The following UVRAG variants were observed in gnomAD, a reference collection of about 807,000 sequenced individuals.
UVRAG encodes UV radiation resistance-associated gene protein.
Under a neutral mutation model 78.0 loss-of-function variants are expected in UVRAG, and 19 were observed. The observed-to-expected ratio is 0.24, with a 90% CI of 0.17 to 0.36. The LOEUF is 0.36. UVRAG is among the 10% of genes least tolerant of loss of function. UVRAG has a pLI of 1.00. For missense variants in UVRAG, 740 were observed against 853.8 expected (o/e 0.87, Z 1.66); for synonymous variants, 323 against 324.6 (o/e 1.00, Z 0.05).
At chr11:76,120,173 G>A (rs537170357) in intron 14 of UVRAG, among the ~76,000 whole-genome samples, 3 of 152,274 alleles carry the variant, frequency 2.0e-5, no homozygotes, top group South Asian at 4.1e-4. Flanking sequence ...CACCTTGGCT[G>A]GAATGCAAAT....
chr11:76,048,968 C>T (rs1479759367), intron 12 of UVRAG, among the ~76,000 whole-genome samples: 2 of 152,224 alleles, frequency 1.3e-5, no homozygotes, highest in Non-Finnish European at 2.9e-5. Context: ...GTAAACAGCC[C>T]ACATGACTCA....
At chr11:75,938,045 C>T (rs1471262732) in intron 6 of UVRAG, among the ~76,000 whole-genome samples, 3 of 151,660 alleles carry the variant, frequency 2.0e-5, no homozygotes, top group Non-Finnish European at 4.4e-5. Flanking sequence ...TTCATCCATC[C>T]TTTAAAAATA....
intron 13 of UVRAG, among the ~76,000 whole-genome samples, chr11:76,087,159 T>C (rs559944802): frequency 5.0e-4 from 76 of 152,316 alleles, no homozygotes; most frequent in Middle Eastern, 3.4e-3. Flanking sequence ...TGTTTCTACA[T>C]GCGCACACAC....
At chr11:75,921,908 T>G (rs956934561) in intron 6 of UVRAG, among the ~76,000 whole-genome samples, 7 of 152,156 alleles carry the variant, frequency 4.6e-5, no homozygotes, top group African/African-American at 1.2e-4. Context: ...CTTATCCTTT[T>G]GTGTATTTTG....
chr11:76,064,537 G>A (rs1951152513), intron 12 of UVRAG, among the ~76,000 whole-genome samples: 1 of 152,084 alleles, frequency 6.6e-6, no homozygotes, highest in Non-Finnish European at 1.5e-5. Context: ...CTTCTTGATG[G>A]GTGTGTGAAG....
chr11:75,978,891 C>G (rs1279072244), intron 7 of UVRAG, among the ~76,000 whole-genome samples: 2 of 152,230 alleles, frequency 1.3e-5, no homozygotes, highest in Non-Finnish European at 2.9e-5. Flanking sequence ...AAGTCTTTCT[C>G]CGTCTAGCTT....
At chr11:75,959,692 C>T (rs1233242240) in intron 6 of UVRAG, among the ~76,000 whole-genome samples, 1 of 152,212 alleles carries the variant, frequency 6.6e-6, no homozygotes, top group Non-Finnish European at 1.5e-5. Flanking sequence ...TTTTCCTTTG[C>T]ATTCACAACT....
At chr11:75,868,994 A>G (rs768647434) in intron 3 of UVRAG, among the ~76,000 whole-genome samples, 1 of 152,220 alleles carries the variant, frequency 6.6e-6, no homozygotes, top group Non-Finnish European at 1.5e-5. Flanking sequence ...TTGAAGTAGC[A>G]TGTTGGACAT....
At chr11:75,859,566 G>C (rs116516559) in intron 2 of UVRAG, among the ~76,000 whole-genome samples, 4 of 151,668 alleles carry the variant, frequency 2.6e-5, no homozygotes, top group Non-Finnish European at 1.5e-5. Flanking sequence ...TTTCAGCCTC[G>C]TAACAACCCT....
chr11:76,038,944 G>C (rs886284723), intron 12 of UVRAG, among the ~76,000 whole-genome samples: 1 of 152,198 alleles, frequency 6.6e-6, no homozygotes, highest in Non-Finnish European at 1.5e-5. Flanking sequence ...CACATGAGAA[G>C]CCTGGCCAAC....
intron 13 of UVRAG, among the ~76,000 whole-genome samples, chr11:76,094,327 G>A (rs1243278584): frequency 6.6e-6 from 1 of 151,946 alleles, no homozygotes; most frequent in Non-Finnish European, 1.5e-5. Context: ...CTCTTTTTTT[G>A]TTGACTCTCT....
chr11:75,821,659 CCTT>C (rs1386487341), intron 1 of UVRAG, among the ~76,000 whole-genome samples: 1 of 152,104 alleles, frequency 6.6e-6, no homozygotes, highest in Admixed American at 6.5e-5. Flanking sequence ...TACCTGATGT[CCTT>C]CTTCCGTGCC....
intron 7 of UVRAG, among the ~76,000 whole-genome samples, chr11:75,976,297 A>G (rs758556921): frequency 1.5e-4 from 23 of 152,350 alleles, no homozygotes; most frequent in Admixed American, 3.9e-4. Flanking sequence ...TTTTACATCA[A>G]TGTTCATCAG....
intron 1 of UVRAG, among the ~76,000 whole-genome samples, chr11:75,832,249 G>A (rs1945674606): frequency 6.6e-6 from 1 of 152,126 alleles, no homozygotes; most frequent in South Asian, 2.1e-4. Flanking sequence ...TTTACCCGGA[G>A]TTATGACCTA....
At chr11:75,857,914 T>G (rs1251080799) in intron 2 of UVRAG, among the ~76,000 whole-genome samples, 1 of 152,108 alleles carries the variant, frequency 6.6e-6, no homozygotes, top group Non-Finnish European at 1.5e-5. Flanking sequence ...CTCCTCTGTC[T>G]TCTGTGCTTT....
At chr11:76,008,064 C>T (rs557204925) in intron 10 of UVRAG, among the ~76,000 whole-genome samples, 139 of 152,128 alleles carry the variant, frequency 9.1e-4, no homozygotes, top group African/African-American at 3.1e-3. Flanking sequence ...CCCGCCACCA[C>T]GATGCCTGGC....
chr11:76,081,139 C>T (rs192189485), intron 13 of UVRAG, among the ~76,000 whole-genome samples: 64 of 152,268 alleles, frequency 4.2e-4, no homozygotes, highest in Admixed American at 2.6e-3. Context: ...GTTCTAGCTT[C>T]AGAGTTGCTT....
intron 13 of UVRAG, among the ~76,000 whole-genome samples, chr11:76,102,052 T>G (rs1413093648): frequency 6.6e-6 from 1 of 152,222 alleles, no homozygotes; most frequent in Non-Finnish European, 1.5e-5. Context: ...AGGATTGCCT[T>G]GGCTATTCAG....
intron 9 of UVRAG, among the ~76,000 whole-genome samples, chr11:76,007,202 G>C (rs1368535150): frequency 1.3e-5 from 2 of 151,980 alleles, no homozygotes; most frequent in African/African-American, 4.8e-5. Context: ...TGTAGAGACG[G>C]GGTCTCCCTA....
Sources: gnomAD v4.1 joint callset for allele counts (sites outside exome capture counted in the v4.1 genomes callset) on GRCh38, gnomAD v4.1.1 for gene constraint, MANE v1.5 for transcripts, NCBI Gene and HGNC (gene_info 2026-07-23, HGNC 2026-07-21) for gene names.